The following PCDHGB6 variants were observed in gnomAD, a reference collection of about 807,000 sequenced individuals.
The protein encoded by PCDHGB6 is protocadherin gamma-B6.
In PCDHGB6, 51 loss-of-function variants were observed where a neutral mutation model predicts 59.1. The ratio of observed to expected loss-of-function variants is 0.86; its 90% CI spans 0.69 to 1.09. The LOEUF is 1.09. Ranked by LOEUF, PCDHGB6 falls within the 50% of genes least tolerant of loss-of-function variation. The pLI is 0.00. For missense variants in PCDHGB6, 1,148 were observed against 1,205.1 expected (o/e 0.95, Z 0.70); for synonymous variants, 466 against 495.1 (o/e 0.94, Z 0.78).
chr5:141,413,045 G>A, intron 1 of PCDHGB6: 1 of 894,362 alleles, frequency 1.1e-6, no homozygotes, highest in South Asian at 1.9e-5. Flanking sequence ...CTGGGCTGCA[G>A]GGAAGCTCAC....
In PCDHGB6 at chr5:141,502,866, C is replaced by CTTTTTTTTTTTT. The variant is rs549047197; in HGVS notation, c.2478-2524_2478-2513dup. 2.4e-4 allele frequency among the ~76,000 whole-genome samples: 31 copies of CTTTTTTTTTTTT among 128,008 alleles called. 3 individuals are homozygous for CTTTTTTTTTTTT. Among genetic ancestry groups the CTTTTTTTTTTTT allele is most frequent in the African/African-American group, 3.4e-4 (11 of 32,350 alleles). 84.0% of individuals were successfully genotyped at this position (128,008 alleles called of 152,430 possible). ...GAGCTGCCTAACCCTGACTCTCTGT[C>CTTTTTTTTTTTT]TTTTTTTTTTTTTTGACAGGGAGTC... is the stretch of plus-strand genomic sequence containing the variant. On this transcript the variant is annotated intron_variant, in intron 2 of 3. Transcript: ENST00000520790.
intron 1 of PCDHGB6, chr5:141,414,088 A>T: frequency 6.3e-7 from 1 of 1,599,384 alleles, no homozygotes; most frequent in African/African-American, 1.3e-5. Context: ...TACTGGAGAA[A>T]TAAAAATATC....
At chr5:141,454,344 G>A (rs1455147295) in intron 1 of PCDHGB6, among the ~76,000 whole-genome samples, 3 of 152,236 alleles carry the variant, frequency 2.0e-5, no homozygotes, top group Non-Finnish European at 4.4e-5. Flanking sequence ...AATGTTGGAA[G>A]TTGATCCAAA....
At position 141,487,748 on chromosome 5, in the gene PCDHGB6, T is replaced by C. The variant is rs1458153935; in HGVS notation, c.2419-7059T>C. On this transcript the variant is annotated intron_variant, in intron 1 of 3. Coordinates refer to ENST00000520790, the MANE Select transcript of PCDHGB6 (RefSeq NM_018926.3). The surrounding 1 kb of genome is among the most constrained non-coding windows in gnomAD (Gnocchi z 5.0). ...TGTCACCATTTTTGTAAGAGGTAAC[T>C]ATGTGGTAGACGCTGTGCTTTGTAA... 1 of 1,557,436 alleles carries C rather than the reference T, an allele frequency of 6.4e-7. No individual in the cohort carries two copies. Among genetic ancestry groups the C allele is most frequent in the Non-Finnish European group, 8.7e-7 (1 of 1,149,514 alleles).
At chr5:141,418,717 C>G in intron 1 of PCDHGB6, 2 of 1,613,938 alleles carry the variant, frequency 1.2e-6, no homozygotes, top group Non-Finnish European at 1.7e-6. Context: ...GTGTGGCTGA[C>G]AAAGCTCAGC....
intron 2 of PCDHGB6, among the ~76,000 whole-genome samples, chr5:141,504,355 C>T (rs974022699): frequency 6.6e-6 from 1 of 152,078 alleles, no homozygotes; most frequent in Non-Finnish European, 1.5e-5. Flanking sequence ...GTGCTAGGTG[C>T]TTCAGTAGGA....
chr5:141,435,718 G>T (rs2097776232), intron 1 of PCDHGB6, among the ~76,000 whole-genome samples: 1 of 152,150 alleles, frequency 6.6e-6, no homozygotes, highest in African/African-American at 2.4e-5. Context: ...GACACTGAAT[G>T]CTAAAGTGTA....
Position 141,408,609 on chromosome 5 carries a change from A to T in PCDHGB6, c.407A>T (p.Lys136Met), listed in dbSNP as rs765291231. 3 of 1,613,970 alleles carry T rather than the reference A, an allele frequency of 1.9e-6. No homozygotes were observed. The highest frequency in any genetic ancestry group is 2.5e-6 in the Non-Finnish European group (3 of 1,179,916). Residue 136 changes from lysine to methionine, a missense_variant, in exon 1 of 4, where the codon AAG becomes ATG. By Grantham distance (95) the Lys-to-Met change is moderately conservative. Around this residue, in one of 5 missense-constraint regions of PCDHGB6, gnomAD observed 307 missense variants for 323.8 expected, o/e 0.95. Coordinates refer to ENST00000520790, the MANE Select transcript of PCDHGB6 (RefSeq NM_018926.3). ...VNDHAPQFDK[K>M]EIHLEIFESA... ...GACCACGCCCCTCAATTTGATAAAA[A>T]GGAAATACATTTAGAAATTTTCGAA...
intron 1 of PCDHGB6, chr5:141,419,602 C>T (rs757423030): frequency 6.2e-7 from 1 of 1,611,874 alleles, no homozygotes; most frequent in Admixed American, 1.7e-5. Flanking sequence ...TGCCGCGGGC[C>T]GCGCAGCCAG....
At chr5:141,509,268 G>A (rs2099875959) in intron 3 of PCDHGB6, among the ~76,000 whole-genome samples, 1 of 152,150 alleles carries the variant, frequency 6.6e-6, no homozygotes, top group South Asian at 2.1e-4. Flanking sequence ...AGTCACTCTC[G>A]CTACCCGCTC....
chr5:141,504,705 T>C (rs960774850), intron 2 of PCDHGB6, among the ~76,000 whole-genome samples: 19 of 151,608 alleles, frequency 1.3e-4, no homozygotes, highest in Middle Eastern at 3.4e-3. Flanking sequence ...GGTTCTTCTA[T>C]GGCCGTGGAT....
intron 1 of PCDHGB6, among the ~76,000 whole-genome samples, chr5:141,455,769 C>T (rs1371335785): frequency 2.6e-5 from 4 of 152,014 alleles, no homozygotes; most frequent in Admixed American, 2.6e-4. Flanking sequence ...AGAGCCGGGG[C>T]TTTAAAAGAA....
rs2099883748 is a variant in PCDHGB6 at position 141,511,359 on chromosome 5, T to A, written c.*186T>A. On this transcript the variant is annotated 3_prime_UTR_variant, in exon 4 of 4. Transcript: ENST00000520790. ...CACCTACCCCTTCCCCCCCAGGGGGTTGAATATGCAAAAGCAGTTCCGCTG... is the reference window on the plus strand; with the variant it reads ...CACCTACCCCTTCCCCCCCAGGGGGATGAATATGCAAAAGCAGTTCCGCTG... 2 of 1,339,338 alleles carry A rather than the reference T, an allele frequency of 1.5e-6. No individual in the cohort carries two copies. Among genetic ancestry groups the A allele is most frequent in the Non-Finnish European group, 2.0e-6 (2 of 1,000,492 alleles). The allele number at this position is 1,339,338 out of a possible 1,614,324, so 83.0% of individuals were successfully genotyped here. A position where few individuals can be genotyped will look rare whatever the true frequency, so the allele number is the denominator to read the frequency against.
chr5:141,481,856 G>A (rs1402368786), intron 1 of PCDHGB6, among the ~76,000 whole-genome samples: 1 of 149,156 alleles, frequency 6.7e-6, no homozygotes, highest in Admixed American at 6.8e-5. Flanking sequence ...GGAGGTTGCA[G>A]TGAGCCGAGA....
At chr5:141,428,455 T>C (rs898393760) in intron 1 of PCDHGB6, 61 of 361,572 alleles carry the variant, frequency 1.7e-4, no homozygotes, top group African/African-American at 1.2e-3. Context: ...TTTTCCCAAC[T>C]ACAATGAGGG....
chr5:141,448,515 T>C (rs1158968509), intron 1 of PCDHGB6, among the ~76,000 whole-genome samples: 1 of 152,212 alleles, frequency 6.6e-6, no homozygotes, highest in Non-Finnish European at 1.5e-5. Flanking sequence ...TTTATAACTT[T>C]ATTAAGCATC....
intron 1 of PCDHGB6, among the ~76,000 whole-genome samples, chr5:141,455,028 G>A (rs2098810519): frequency 6.6e-6 from 1 of 150,780 alleles, no homozygotes; most frequent in Non-Finnish European, 1.5e-5. Flanking sequence ...TAGCCAGGAT[G>A]GTCTCGATCT....
intron 1 of PCDHGB6, among the ~76,000 whole-genome samples, chr5:141,451,298 C>T (rs1221562397): frequency 6.6e-6 from 1 of 152,206 alleles, no homozygotes; most frequent in African/African-American, 2.4e-5. Context: ...CAAAGTCTTA[C>T]AAGGCAGCAA....
intron 1 of PCDHGB6, chr5:141,421,791 TG>T (rs1561796446): frequency 6.2e-7 from 1 of 1,613,792 alleles, no homozygotes; most frequent in Non-Finnish European, 8.5e-7. Flanking sequence ...GCAGAACGGA[TG>T]GGGCCAAGAA....
Sources: gnomAD v4.1 joint callset for allele counts (sites outside exome capture counted in the v4.1 genomes callset) on GRCh38, gnomAD v4.1.1 for gene constraint, gnomAD v4.1.1 regional missense constraint, Gnocchi (gnomAD v3.1) non-coding constraint, MANE v1.5 for transcripts, NCBI Gene and HGNC (gene_info 2026-07-23, HGNC 2026-07-21) for gene names.